THSD7A: variants seen among roughly 807,000 people sequenced by gnomAD.
THSD7A encodes the protein thrombospondin type 1 domain containing 7A.
THSD7A carries 96 observed loss-of-function variants against 231.3 expected under a neutral mutation model. The observed-to-expected ratio is 0.41, with a 90% CI of 0.35 to 0.49. The LOEUF is 0.49. Among genes scored for constraint, THSD7A ranks in the 20% least tolerant of loss-of-function variants. The probability of loss-of-function intolerance (pLI) is 0.05; values close to 1 mark genes in which losing one functional copy is unlikely to be tolerated. For missense variants in THSD7A, 2,290 were observed against 2,070.2 expected (o/e 1.11, Z -2.06); for synonymous variants, 940 against 743.3 (o/e 1.26, Z -4.30).
Position 11,469,893 on chromosome 7 carries a change from G to C in THSD7A, c.2354C>G (p.Ser785Cys). 6.3e-7 allele frequency: 1 copy of C among 1,595,820 alleles called. No homozygotes were observed. Among genetic ancestry groups the C allele is most frequent in the Non-Finnish European group, 8.6e-7 (1 of 1,169,368 alleles). Residue 785 changes from serine to cysteine, a missense_variant, in exon 9 of 28, where the codon TCT (serine) becomes TGT (cysteine). Ser to Cys is a moderately radical substitution (Grantham distance 112). Coordinates refer to ENST00000423059, the MANE Select transcript of THSD7A (RefSeq NM_015204.3). Reference protein sequence around the residue: ...TPYSDWTSCPSSCKEGDSSIR... With the variant: ...TPYSDWTSCPCSCKEGDSSIR... ...GCAGACCATACCTTCTTTACACGAA[G>C]AGGGGCATGATGTCCAGTCACTATA...
intron 1 of THSD7A, among the ~76,000 whole-genome samples, chr7:11,671,386 C>G (rs1426646043): frequency 6.6e-6 from 1 of 152,094 alleles, no homozygotes; most frequent in Non-Finnish European, 1.5e-5. Flanking sequence ...AATCAAACAC[C>G]TCATTATTTA....
chr7:11,493,166 TGACA>T (rs1026663904), intron 6 of THSD7A, among the ~76,000 whole-genome samples: 18 of 152,266 alleles, frequency 1.2e-4, no homozygotes, highest in African/African-American at 4.3e-4. Context: ...GCTTGTTGAT[TGACA>T]AAGAAAGTGT....
At chr7:11,762,562 C>A (rs1458757920) in intron 1 of THSD7A, among the ~76,000 whole-genome samples, 4 of 152,044 alleles carry the variant, frequency 2.6e-5, no homozygotes, top group East Asian at 1.9e-4. Context: ...GTCCTTTGCC[C>A]ACTTTTCAAT....
At chr7:11,771,496 C>G (rs991193959) in intron 1 of THSD7A, among the ~76,000 whole-genome samples, 5 of 151,850 alleles carry the variant, frequency 3.3e-5, no homozygotes, top group African/African-American at 1.2e-4. Flanking sequence ...TGGTAACCAT[C>G]AGATAACAAT....
chr7:11,481,223 G>A (rs973256518), intron 7 of THSD7A, among the ~76,000 whole-genome samples: 8 of 152,110 alleles, frequency 5.3e-5, no homozygotes, highest in Non-Finnish European at 1.0e-4. Flanking sequence ...ATAGGGTGAA[G>A]AGATTTAGGA....
At chr7:11,533,891 G>T (rs1251086929) in intron 6 of THSD7A, among the ~76,000 whole-genome samples, 3 of 152,128 alleles carry the variant, frequency 2.0e-5, no homozygotes, top group East Asian at 3.9e-4. Flanking sequence ...GACTTAAAGT[G>T]ATTTAAAAAA....
At chr7:11,592,269 T>G (rs977947071) in intron 3 of THSD7A, among the ~76,000 whole-genome samples, 44 of 152,280 alleles carry the variant, frequency 2.9e-4, no homozygotes, top group Non-Finnish European at 5.6e-4. Context: ...TACTATTTTT[T>G]TTGTTGTTGT....
At chr7:11,639,440 C>T (rs767240506) in intron 1 of THSD7A, among the ~76,000 whole-genome samples, 116 of 152,004 alleles carry the variant, frequency 7.6e-4, no homozygotes, top group Non-Finnish European at 1.6e-3. Flanking sequence ...GAGGCCGAGG[C>T]GGGCGGATCA....
intron 11 of THSD7A, among the ~76,000 whole-genome samples, chr7:11,454,279 CCT>C (rs200612978): frequency 3.3e-5 from 5 of 151,692 alleles, no homozygotes; most frequent in African/African-American, 4.8e-5. Flanking sequence ...TTCTCTTTTT[CCT>C]CTCTCTTTTT....
At chr7:11,463,695 G>A (rs991239375) in intron 9 of THSD7A, among the ~76,000 whole-genome samples, 1 of 152,112 alleles carries the variant, frequency 6.6e-6, no homozygotes, top group African/African-American at 2.4e-5. Flanking sequence ...GGGCAGCAGA[G>A]AATTAAAGTA....
rs1781103418 is a variant in THSD7A at position 11,616,426 on chromosome 7, C to T, written c.1022+19704G>A. 2.0e-5 allele frequency among the ~76,000 whole-genome samples: 3 copies of T among 152,154 alleles called. No homozygotes were observed. The South Asian group carries it at 6.2e-4, about 32-fold the overall frequency. The stretch of plus-strand genomic sequence containing the variant: ...TGAACACCAATAACAGATTAAAGTA[C>T]ATATCCTGTAACAGCAATAAGGTCT... On this transcript the variant is annotated intron_variant, in intron 2 of 27. Transcript: ENST00000423059.
At chr7:11,514,602 T>C (rs1454324762) in intron 6 of THSD7A, among the ~76,000 whole-genome samples, 2 of 152,168 alleles carry the variant, frequency 1.3e-5, no homozygotes, top group African/African-American at 4.8e-5. Context: ...TTTATTTAAT[T>C]GGATAACATT....
chr7:11,571,769 G>C (rs566475665), intron 4 of THSD7A, among the ~76,000 whole-genome samples: 1 of 151,526 alleles, frequency 6.6e-6, no homozygotes, highest in Non-Finnish European at 1.5e-5. Context: ...TTCAACCCTC[G>C]TTCGTTATCT....
At chr7:11,558,996 G>C (rs1202627619) in intron 4 of THSD7A, among the ~76,000 whole-genome samples, 1 of 152,110 alleles carries the variant, frequency 6.6e-6, no homozygotes, top group East Asian at 1.9e-4. Flanking sequence ...GGAGTGGAGA[G>C]ATATCCAAGC....
chr7:11,477,156 G>T (rs1786224891), intron 7 of THSD7A, among the ~76,000 whole-genome samples: 1 of 152,116 alleles, frequency 6.6e-6, no homozygotes, highest in Non-Finnish European at 1.5e-5. Context: ...AGATGATTTA[G>T]TTCAGAATCA....
At chr7:11,784,866 G>T (rs1200850969) in intron 1 of THSD7A, among the ~76,000 whole-genome samples, 5 of 152,102 alleles carry the variant, frequency 3.3e-5, no homozygotes, top group Admixed American at 3.3e-4. Flanking sequence ...TGTGTGTTTT[G>T]TGTTTGCTTT....
intron 23 of THSD7A, among the ~76,000 whole-genome samples, chr7:11,393,729 C>T (rs1401508615): frequency 6.6e-6 from 1 of 152,104 alleles, no homozygotes; most frequent in Non-Finnish European, 1.5e-5. Context: ...ACACAAGTAT[C>T]AATAGCCAAA....
At chr7:11,750,430 T>G (rs1782460466) in intron 1 of THSD7A, among the ~76,000 whole-genome samples, 1 of 151,890 alleles carries the variant, frequency 6.6e-6, no homozygotes, top group Non-Finnish European at 1.5e-5. Flanking sequence ...GAAGTCCTAG[T>G]CTCCAAATTC....
chr7:11,611,020 G>T (rs186341361), intron 2 of THSD7A, among the ~76,000 whole-genome samples: 4 of 152,050 alleles, frequency 2.6e-5, no homozygotes, highest in Admixed American at 2.6e-4. Flanking sequence ...TGTTTGACAC[G>T]CTATAAGACA....
Sources: gnomAD v4.1 joint callset for allele counts (sites outside exome capture counted in the v4.1 genomes callset) on GRCh38, gnomAD v4.1.1 for gene constraint, MANE v1.5 for transcripts, NCBI Gene and HGNC (gene_info 2026-07-23, HGNC 2026-07-21) for gene names.